CHD1L: variants seen among roughly 807,000 people sequenced by gnomAD.
CHD1L encodes the protein chromodomain helicase DNA binding protein 1 like, also known as ATP-dependent chromatin remodeler CHD1L.
Under a neutral mutation model 115.9 loss-of-function variants are expected in CHD1L, and 118 were observed. The ratio of observed to expected loss-of-function variants is 1.02; its 90% confidence interval spans 0.88 to 1.19. CHD1L has a LOEUF of 1.19. CHD1L is among the 50% of genes most tolerant of loss of function. The pLI is 0.00. For synonymous variants in CHD1L, 411 were observed against 387.1 expected, an observed-to-expected ratio of 1.06 and a Z score of -0.72; for missense variants, 1,179 against 1,065.3, an observed-to-expected ratio of 1.11 and a Z score of -1.49.
the CHD1L span, chr1:147,179,219 C>T: frequency 1.2e-6 from 2 of 1,613,840 alleles, no homozygotes. Context: ...AAGTCTGAAC[C>T]TATCCCAGAG....
At chr1:147,271,215 C>T (rs1168533711) in intron 11 of CHD1L, 1 of 426,876 alleles carries the variant, frequency 2.3e-6, no homozygotes, top group South Asian at 5.0e-5. Context: ...CAGAAATAAA[C>T]ACCCACGTTC....
At chr1:147,285,810 C>T (rs1252486645) in intron 17 of CHD1L, among the ~76,000 whole-genome samples, 1 of 152,118 alleles carries the variant, frequency 6.6e-6, no homozygotes, top group Non-Finnish European at 1.5e-5. Context: ...GATCTACCCA[C>T]TATAACCTCC....
At chr1:147,194,350 G>A in the CHD1L span, among the ~76,000 whole-genome samples, 5 of 151,228 alleles carry the variant, frequency 3.3e-5, no homozygotes, top group East Asian at 1.9e-4. Context: ...TTTTGTTTTC[G>A]ATTTGCTTGG....
At chr1:147,175,095 C>G in the CHD1L span, 2 of 152,170 alleles carry the variant, frequency 1.3e-5, no homozygotes, top group Non-Finnish European at 2.9e-5. Flanking sequence ...TCTCCACTCA[C>G]CAAGTTTCAT....
At chr1:147,201,325 G>A in the CHD1L span, 2 of 1,614,186 alleles carry the variant, frequency 1.2e-6, no homozygotes, top group Non-Finnish European at 1.7e-6. Context: ...TTCCAGAAAT[G>A]GAAAGTCAAA....
At chr1:147,207,608 A>G in the CHD1L span, among the ~76,000 whole-genome samples, 1 of 152,126 alleles carries the variant, frequency 6.6e-6, no homozygotes, top group South Asian at 2.1e-4. Flanking sequence ...AAAATTACTT[A>G]GTTTCTCTAC....
chr1:147,178,107 C>G, the CHD1L span: 1 of 1,563,264 alleles, frequency 6.4e-7, no homozygotes, highest in African/African-American at 1.4e-5. Context: ...CACCCCACCT[C>G]GCCGCCATGT....
chr1:147,205,723 C>T, the CHD1L span, among the ~76,000 whole-genome samples: 3 of 152,164 alleles, frequency 2.0e-5, no homozygotes, highest in Non-Finnish European at 4.4e-5. Context: ...ATGTACAAAG[C>T]TGAAACTTGA....
intron 6 of CHD1L, among the ~76,000 whole-genome samples, chr1:147,262,817 G>A (rs1553945117): frequency 6.7e-6 from 1 of 149,474 alleles, no homozygotes; most frequent in Non-Finnish European, 1.5e-5. Flanking sequence ...GTCTTCCTAT[G>A]GCCCCCCCTC....
chr1:147,226,832 G>A, the CHD1L span, among the ~76,000 whole-genome samples: 1 of 94,216 alleles, frequency 1.1e-5, no homozygotes, highest in African/African-American at 4.4e-5. Flanking sequence ...TTTTGGAACT[G>A]TCGAACTTTT....
At chr1:147,179,614 A>G in the CHD1L span, 1 of 1,565,462 alleles carries the variant, frequency 6.4e-7, no homozygotes, top group Non-Finnish European at 8.8e-7. Context: ...AAGAAGGCAC[A>G]GGAGGATCTC....
intron 15 of CHD1L, among the ~76,000 whole-genome samples, chr1:147,280,992 T>G (rs59878692): frequency 0.016 from 2,435 of 152,236 alleles, 69 homozygotes; most frequent in African/African-American, 0.057. Context: ...CTTTTTATTT[T>G]GGGTAGTGGT....
intron 20 of CHD1L, 114 bp downstream of exon 20, chr1:147,291,666 C>G: frequency 1.3e-6 from 1 of 787,154 alleles, no homozygotes; most frequent in East Asian, 2.6e-5. Context: ...TTAGGGCTGC[C>G]ATAACAAAAA....
At chr1:147,219,485 A>G in the CHD1L span, among the ~76,000 whole-genome samples, 13 of 152,156 alleles carry the variant, frequency 8.5e-5, no homozygotes, top group Admixed American at 3.3e-4. Context: ...AACTTCCTCA[A>G]TTTGATAAAG....
rs202245685 is a variant in CHD1L, at chr1:147,267,486, G to A, written c.956G>A (p.Arg319Gln). 11 of 1,612,224 alleles carry A rather than the reference G, an allele frequency of 6.8e-6. No homozygotes were observed. Among genetic ancestry groups the A allele is most frequent in the South Asian group, 3.3e-5 (3 of 90,762 alleles). Residue 319 changes from arginine to glutamine, a missense_variant, in exon 9 of 23, where the codon CGA (arginine) becomes CAA (glutamine). Physicochemically the swap from Arg to Gln is conservative, Grantham distance 43 (BLOSUM62 1). Coordinates refer to ENST00000369258, the MANE Select transcript of CHD1L (RefSeq NM_004284.6). ...CTACAGAACATTTTGTCCCAGCTTC[G>A]AAAGTGTGTGGATCACCCATATTTG... is the stretch of plus-strand genomic sequence containing the variant. Reference protein sequence around the residue: ...VKLQNILSQLRKCVDHPYLFD... With the variant: ...VKLQNILSQLQKCVDHPYLFD...
chr1:147,259,749 T>A (rs1234976141), intron 5 of CHD1L, 88 bp from the exon 6 acceptor site: 1 of 1,138,334 alleles, frequency 8.8e-7, no homozygotes, highest in Non-Finnish European at 1.3e-6. Context: ...GTCTTTTTAA[T>A]AACAGTCACA....
intron 18 of CHD1L, 105 bp downstream of exon 18, chr1:147,286,605 T>G (rs587609786): frequency 3.7e-5 from 36 of 967,714 alleles, no homozygotes; most frequent in African/African-American, 2.8e-4. Flanking sequence ...CAGTGTAGTA[T>G]TGTACAGTCA....
intron 20 of CHD1L, 83 bp downstream of exon 20, chr1:147,291,635 C>T (rs1685574067): frequency 3.7e-6 from 4 of 1,074,598 alleles, no homozygotes; most frequent in Non-Finnish European, 5.8e-6. Context: ...CAATTGGCCT[C>T]TCTGCTAGTG....
upstream of CHD1L, among the ~76,000 whole-genome samples, chr1:147,239,009 A>T (rs1006985727): frequency 4.6e-5 from 7 of 152,126 alleles, no homozygotes; most frequent in Admixed American, 1.3e-4. Flanking sequence ...CTGATAAAAT[A>T]CTGTGGCGAG....
Sources: allele counts gnomAD v4.1 joint callset (sites outside exome capture counted in the v4.1 genomes callset), GRCh38; gene constraint gnomAD v4.1.1; transcripts MANE v1.5; gene names NCBI Gene and HGNC (gene_info 2026-07-23, HGNC 2026-07-21).